The following NEK11 variants were observed in gnomAD, a reference collection of about 807,000 sequenced individuals.
NEK11 encodes the protein NIMA related kinase 11.
NEK11 carries 72 observed loss-of-function variants against 80.7 expected under a neutral mutation model. The ratio of observed to expected loss-of-function variants is 0.89; its 90% CI spans 0.74 to 1.08. The LOEUF (loss-of-function observed/expected upper bound fraction) is 1.08. NEK11 is among the 50% of genes least tolerant of loss of function. The pLI is 0.00. For synonymous variants in NEK11, 251 were observed against 260.7 expected (o/e 0.96, Z 0.36); for missense variants, 764 against 763.6 (o/e 1.00, Z -0.01).
At position 131,133,819 on chromosome 3, in the gene NEK11, A is replaced by G; in HGVS notation, c.521-11A>G. ...CTTAAAGTATTCATAAAAATTAATT[A>G]TTATTTCAAGGAGATTTTGGAGTTT... On this transcript the variant is annotated splice_polypyrimidine_tract_variant and intron_variant, in intron 6 of 17. Coordinates refer to ENST00000383366, the MANE Select transcript of NEK11 (RefSeq NM_024800.5). 6.2e-7 allele frequency: 1 copy of G among 1,601,842 alleles called. No homozygotes were observed. Among genetic ancestry groups the G allele is most frequent in the Non-Finnish European group, 8.5e-7 (1 of 1,174,442 alleles).
chr3:131,252,897 A>C (rs2095735413), intron 16 of NEK11, among the ~76,000 whole-genome samples: 1 of 152,146 alleles, frequency 6.6e-6, no homozygotes, highest in Admixed American at 6.6e-5. Flanking sequence ...GTAAAATAAA[A>C]ATTTTATTTC....
rs570155419 is a variant in NEK11, at chr3:131,295,773, T to C, written c.1718+22199T>C. Reference sequence around the variant, plus strand: ...CCTTTCTAACATATCAGTTATACTTTTTTTAGTGGTTGCCCTAGAATTGGC... The same window carrying C: ...CCTTTCTAACATATCAGTTATACTTCTTTTAGTGGTTGCCCTAGAATTGGC... On this transcript the variant is annotated intron_variant, in intron 17 of 17. Transcript: ENST00000383366. Among the ~76,000 whole-genome samples, 6 of 152,348 alleles carry C rather than the reference T, an allele frequency of 3.9e-5. No homozygotes were observed. The South Asian group carries it at 8.3e-4, about 21-fold the overall frequency.
intron 14 of NEK11, among the ~76,000 whole-genome samples, chr3:131,205,729 C>T (rs764385109): frequency 1.3e-5 from 2 of 152,148 alleles, no homozygotes; most frequent in Non-Finnish European, 2.9e-5. Context: ...GGGATTAAGC[C>T]AAAGTTAGGC....
intron 17 of NEK11, among the ~76,000 whole-genome samples, chr3:131,348,629 AC>A (rs1299733482): frequency 1.3e-5 from 2 of 151,288 alleles, no homozygotes; most frequent in Non-Finnish European, 2.9e-5. Flanking sequence ...TTAGTTTGTG[AC>A]CCTTTCTGGA....
chr3:131,262,001 CA>C (rs200473337), intron 16 of NEK11, among the ~76,000 whole-genome samples: 12 of 147,162 alleles, frequency 8.2e-5, no homozygotes, highest in South Asian at 2.2e-4. Flanking sequence ...GTCAGTGAAA[CA>C]AAAAAAAATA....
chr3:131,312,593 TAG>T (rs1239119776), intron 17 of NEK11, among the ~76,000 whole-genome samples: 2 of 152,168 alleles, frequency 1.3e-5, no homozygotes, highest in African/African-American at 4.8e-5. Flanking sequence ...TCTGTTTCTT[TAG>T]AAGACACTTA....
intron 14 of NEK11, among the ~76,000 whole-genome samples, chr3:131,222,852 C>T (rs532530073): frequency 6.6e-6 from 1 of 152,254 alleles, no homozygotes; most frequent in South Asian, 2.1e-4. Context: ...CACAGGTGAT[C>T]CTGATGCTCA....
intron 17 of NEK11, among the ~76,000 whole-genome samples, chr3:131,301,758 G>C (rs1235906738): frequency 6.6e-6 from 1 of 152,008 alleles, no homozygotes; most frequent in South Asian, 2.1e-4. Flanking sequence ...GCTTTTTGTT[G>C]TGCTGCTGGA....
chr3:131,129,124 C>T (rs1257444215), intron 5 of NEK11, among the ~76,000 whole-genome samples: 1 of 139,524 alleles, frequency 7.2e-6, no homozygotes, highest in Non-Finnish European at 1.5e-5. Flanking sequence ...AATCTTGGCT[C>T]ACTGCAAGCT....
intron 12 of NEK11, among the ~76,000 whole-genome samples, chr3:131,168,160 A>G (rs921288176): frequency 8.9e-4 from 135 of 152,196 alleles, no homozygotes; most frequent in African/African-American, 3.2e-3. Context: ...CTCTCTTTCA[A>G]TTGTTTTCAG....
At chr3:131,164,210 C>T (rs1337930076) in intron 11 of NEK11, among the ~76,000 whole-genome samples, 1 of 152,122 alleles carries the variant, frequency 6.6e-6, no homozygotes, top group Non-Finnish European at 1.5e-5. Flanking sequence ...ATTTAACAAC[C>T]AGCTCTGGGT....
chr3:131,217,281 G>GT (rs140835649), intron 14 of NEK11, among the ~76,000 whole-genome samples: 25 of 152,002 alleles, frequency 1.6e-4, no homozygotes, highest in African/African-American at 6.0e-4. Flanking sequence ...AGAAGAGTCA[G>GT]TTTTTTTTCT....
In NEK11 at chr3:131,321,940, A is replaced by G. The variant is rs149681688; in HGVS notation, c.1719-27617A>G. 4.9e-3 allele frequency among the ~76,000 whole-genome samples: 746 copies of G among 152,334 alleles called. 2 individuals carry two copies. The highest frequency in any genetic ancestry group is 7.7e-3 in the Non-Finnish European group (527 of 68,034). ...GTGGAAAGCAGCTTGGAGATTTCTT[A>G]AAGAATTTAAAACAGGAATACCATT... On this transcript the variant is annotated intron_variant, in intron 17 of 17. Coordinates refer to ENST00000383366, the MANE Select transcript of NEK11 (RefSeq NM_024800.5).
intron 14 of NEK11, among the ~76,000 whole-genome samples, chr3:131,205,808 C>A (rs1187339468): frequency 1.3e-5 from 2 of 152,152 alleles, no homozygotes; most frequent in Non-Finnish European, 2.9e-5. Flanking sequence ...TCTCAAGAGT[C>A]TTTTTCTGGG....
chr3:131,315,219 C>T (rs570315329), intron 17 of NEK11, among the ~76,000 whole-genome samples: 2 of 152,270 alleles, frequency 1.3e-5, no homozygotes, highest in East Asian at 3.9e-4. Flanking sequence ...CATCTTTAGA[C>T]TATTCATCCT....
At chr3:131,094,084 T>A (rs371378278) in intron 4 of NEK11, among the ~76,000 whole-genome samples, 3 of 149,964 alleles carry the variant, frequency 2.0e-5, no homozygotes, top group African/African-American at 7.4e-5. Flanking sequence ...AGGGGCTCTC[T>A]TGAGTTGAGA....
chr3:131,058,248 G>C (rs1422585909), intron 3 of NEK11, among the ~76,000 whole-genome samples: 1 of 151,042 alleles, frequency 6.6e-6, no homozygotes, highest in Non-Finnish European at 1.5e-5. Context: ...ATTGATCTAT[G>C]TCTCTGTTTT....
rs778899744 is a variant in NEK11 at position 131,349,707 on chromosome 3, G to C, written c.1869G>C (p.Gln623His). ...PQASDCFEVD[Q>H]LLYFEEQLLI... is the part of the protein sequence containing the mutation. ...CCAGCGACTGTTTTGAAGTGGACCA[G>C]CTCCTGTACTTTGAAGAGCAGTTGC... The change falls in exon 18 of 18, where the codon CAG becomes CAC. Residue 623 changes from glutamine (Q) to histidine (H), a missense_variant. Physicochemically the swap from Gln to His is conservative, Grantham distance 24 (BLOSUM62 0). Coordinates refer to ENST00000383366, the MANE Select transcript of NEK11 (RefSeq NM_024800.5). The C allele has an allele frequency of 1.1e-5, 17 of 1,614,220 alleles. No homozygotes were observed. The South Asian group carries it at 1.4e-4, about 14-fold the overall frequency.
chr3:131,086,349 A>G (rs1388024716), intron 4 of NEK11, among the ~76,000 whole-genome samples: 1 of 152,184 alleles, frequency 6.6e-6, no homozygotes, highest in African/African-American at 2.4e-5. Context: ...TTGTGATTAT[A>G]TATTTCTCTC....
Sources: gnomAD v4.1 joint callset for allele counts (sites outside exome capture counted in the v4.1 genomes callset) on GRCh38, gnomAD v4.1.1 for gene constraint, MANE v1.5 for transcripts, NCBI Gene and HGNC (gene_info 2026-07-23, HGNC 2026-07-21) for gene names.